Variants in PLCH1 observed in about 807,000 individuals in gnomAD.
The protein encoded by PLCH1 is 1-phosphatidylinositol 4,5-bisphosphate phosphodiesterase eta-1.
Under a neutral mutation model 126.7 loss-of-function variants are expected in PLCH1, and 60 were observed. That is an observed-to-expected ratio of 0.47 (90% CI 0.38 to 0.59). PLCH1 has a LOEUF of 0.59. PLCH1 is among the 20% of genes least tolerant of loss of function. The probability of loss-of-function intolerance (pLI) is 0.00; values close to 1 mark genes in which losing one functional copy is unlikely to be tolerated. For synonymous variants in PLCH1, 719 were observed against 734.9 expected (o/e 0.98, Z 0.35); for missense variants, 1,723 against 2,040.0 (o/e 0.84, Z 2.99).
At chr3:155,709,258 T>A (rs1290574165) in intron 1 of PLCH1, among the ~76,000 whole-genome samples, 1 of 152,214 alleles carries the variant, frequency 6.6e-6, no homozygotes, top group Admixed American at 6.5e-5. Flanking sequence ...TGCAAGTTTT[T>A]GTGTGGATAT....
At chr3:155,688,124 C>G (rs1355882912) in intron 2 of PLCH1, among the ~76,000 whole-genome samples, 1 of 152,158 alleles carries the variant, frequency 6.6e-6, no homozygotes, top group African/African-American at 2.4e-5. Context: ...AAGGAGAGCC[C>G]TGTCTCATAC....
chr3:155,589,295 TA>T (rs1292394756), intron 4 of PLCH1, among the ~76,000 whole-genome samples: 1 of 152,116 alleles, frequency 6.6e-6, no homozygotes, highest in East Asian at 1.9e-4. Flanking sequence ...AAAGCAGCCA[TA>T]CAGATATAAA....
At chr3:155,735,995 A>G (rs1040223951) in intron 1 of PLCH1, among the ~76,000 whole-genome samples, 2 of 152,234 alleles carry the variant, frequency 1.3e-5, no homozygotes, top group Admixed American at 1.3e-4. Context: ...ATGAAAATAT[A>G]AGATCTATCC....
At chr3:155,662,250 C>T (rs927141948) in intron 2 of PLCH1, among the ~76,000 whole-genome samples, 2 of 152,104 alleles carry the variant, frequency 1.3e-5, no homozygotes, top group Admixed American at 6.5e-5. Context: ...GCCAAGAGTT[C>T]AAGATCAGCC....
intron 11 of PLCH1, among the ~76,000 whole-genome samples, chr3:155,518,934 C>G (rs1448487969): frequency 1.3e-5 from 2 of 152,130 alleles, no homozygotes; most frequent in Non-Finnish European, 2.9e-5. Context: ...CAGAGCCGAT[C>G]CAGAGCTGGT....
chr3:155,606,373 T>C (rs1734364254), intron 2 of PLCH1, among the ~76,000 whole-genome samples: 1 of 152,202 alleles, frequency 6.6e-6, no homozygotes, highest in African/African-American at 2.4e-5. Context: ...ACAGATCTGC[T>C]CAAAATCTAA....
chr3:155,717,887 A>G (rs1347702462), intron 1 of PLCH1, among the ~76,000 whole-genome samples: 2 of 152,162 alleles, frequency 1.3e-5, no homozygotes, highest in Non-Finnish European at 2.9e-5. Context: ...CCTCTCCCAA[A>G]AAAAGTGTTT....
chr3:155,519,712 A>C (rs916495967), intron 11 of PLCH1, among the ~76,000 whole-genome samples: 27 of 150,844 alleles, frequency 1.8e-4, no homozygotes, highest in Admixed American at 6.6e-5. Flanking sequence ...CCATCATTCC[A>C]ATATGTGGCC....
At chr3:155,456,957 C>T (rs945440388) in intron 21 of PLCH1, 1 of 152,664 alleles carries the variant, frequency 6.6e-6, no homozygotes, top group Non-Finnish European at 1.5e-5. Flanking sequence ...ATCCCTTCCA[C>T]AGGAGGTCAT....
chr3:155,483,212 G>T, intron 22 of PLCH1, 161 bp from the exon 23 acceptor site: 3 of 886,608 alleles, frequency 3.4e-6, no homozygotes, highest in Non-Finnish European at 5.2e-6. Context: ...GTGTCTGTGT[G>T]ATGAATAAAT....
chr3:155,554,989 C>T (rs1726619648), intron 8 of PLCH1, among the ~76,000 whole-genome samples: 1 of 152,246 alleles, frequency 6.6e-6, no homozygotes, highest in South Asian at 2.1e-4. Context: ...CCATGCCCCT[C>T]TGACTAAGAA....
rs773753830 is a variant in PLCH1, at chr3:155,585,964, A to G, written c.600+101T>C. 1.7e-4 allele frequency: 155 copies of G among 938,910 alleles called. 1 individual carries two copies. Among genetic ancestry groups the G allele is most frequent in the Middle Eastern group, 2.6e-4 (1 of 3,874 alleles). The allele number at this position is 938,910 out of a possible 1,614,324, so 58.2% of individuals were successfully genotyped here. A position where few individuals can be genotyped will look rare whatever the true frequency, so the allele number is the denominator to read the frequency against. On this transcript the variant is annotated intron_variant, in intron 5 of 22. Transcript: ENST00000460012. Reference sequence around the variant, plus strand: ...AAAAATAAAACAGTACAGAGCACATATATTAGCTTCCAACAAAACAAAATA... The same window carrying G: ...AAAAATAAAACAGTACAGAGCACATGTATTAGCTTCCAACAAAACAAAATA...
intron 1 of PLCH1, among the ~76,000 whole-genome samples, chr3:155,729,625 A>G (rs1039421400): frequency 1.3e-5 from 2 of 152,224 alleles, no homozygotes; most frequent in Non-Finnish European, 2.9e-5. Context: ...TATAATAAAG[A>G]ACATATAAGG....
chr3:155,695,688 G>T (rs1246799189), intron 2 of PLCH1, among the ~76,000 whole-genome samples: 3 of 152,220 alleles, frequency 2.0e-5, no homozygotes, highest in African/African-American at 4.8e-5. Flanking sequence ...TTTTATTACA[G>T]TAATGATAAC....
chr3:155,741,688 T>TA (rs199564497), intron 1 of PLCH1, among the ~76,000 whole-genome samples: 209 of 142,918 alleles, frequency 1.5e-3, no homozygotes, highest in South Asian at 4.5e-3. Context: ...TATCCTCTTT[T>TA]TTTTTTTTTT....
chr3:155,673,048 C>CTTTTT (rs66672315), intron 2 of PLCH1, among the ~76,000 whole-genome samples: 7 of 68,224 alleles, frequency 1.0e-4, no homozygotes, highest in African/African-American at 3.4e-4. Flanking sequence ...CTTCTGTTGC[C>CTTTTT]TTTTTTTTTT....
intron 6 of PLCH1, among the ~76,000 whole-genome samples, chr3:155,576,756 T>G (rs1030882596): frequency 1.3e-5 from 2 of 152,144 alleles, no homozygotes; most frequent in African/African-American, 4.8e-5. Flanking sequence ...ACGAAACTCT[T>G]GACTAACGAC....
chr3:155,550,159 A>C (rs778939289), intron 9 of PLCH1, among the ~76,000 whole-genome samples: 1 of 152,250 alleles, frequency 6.6e-6, no homozygotes, highest in Non-Finnish European at 1.5e-5. Context: ...TTTGCTAAGC[A>C]TAATGGATGA....
intron 22 of PLCH1, 46 bp from the exon 23 acceptor site, chr3:155,483,097 T>C: frequency 1.3e-6 from 2 of 1,519,194 alleles, no homozygotes; most frequent in East Asian, 2.2e-5. Flanking sequence ...TCACTTTATG[T>C]AGGACCTGCA....
Sources: gnomAD v4.1 joint callset for allele counts (sites outside exome capture counted in the v4.1 genomes callset) on GRCh38, gnomAD v4.1.1 for gene constraint, MANE v1.5 for transcripts, NCBI Gene and HGNC (gene_info 2026-07-23, HGNC 2026-07-21) for gene names.